GRHL2: variants seen among roughly 807,000 people sequenced by gnomAD.
GRHL2 encodes grainyhead like transcription factor 2.
A neutral mutation model predicts 83.8 loss-of-function variants in GRHL2; 21 were observed. The observed-to-expected ratio is 0.25, with a 90% CI of 0.18 to 0.36. The LOEUF is 0.36. Among genes scored for constraint, GRHL2 ranks in the 10% least tolerant of loss-of-function variants. The pLI, the probability that GRHL2 is intolerant of heterozygous loss-of-function variation, is 1.00. For synonymous variants in GRHL2, 280 were observed against 278.9 expected (o/e 1.00, Z -0.04); for missense variants, 623 against 781.8 (o/e 0.80, Z 2.42).
chr8:101,503,393 C>T lies in GRHL2; in HGVS notation c.20+10604C>T, dbSNP rs546989477. On this transcript the variant is annotated intron_variant, in intron 1 of 15. Coordinates refer to ENST00000646743, the MANE Select transcript of GRHL2 (RefSeq NM_024915.4). ...TAATAAAGACAGAAAATAATATTAG[C>T]TGTAAGCTGTATTAGTGATAAGAAA... Among the ~76,000 whole-genome samples, 17 of 152,256 alleles carry T rather than the reference C, an allele frequency of 1.1e-4. No individual in the cohort carries two copies. The South Asian group carries it at 2.3e-3, about 20-fold the overall frequency.
At chr8:101,572,407 T>C (rs1811845239) in intron 5 of GRHL2, among the ~76,000 whole-genome samples, 1 of 152,238 alleles carries the variant, frequency 6.6e-6, no homozygotes, top group Non-Finnish European at 1.5e-5. Context: ...ACAGGAATAT[T>C]ATTCTGCCCT....
rs114380349 is a variant in GRHL2 at position 101,637,466 on chromosome 8, C to T, written c.1517+538C>T. Among the ~76,000 whole-genome samples the T allele has an allele frequency of 4.2e-3, 636 of 152,314 alleles. 4 individuals carry two copies. Among genetic ancestry groups the T allele is most frequent in the African/African-American group, 0.014 (592 of 41,568 alleles). On this transcript the variant is annotated intron_variant, in intron 12 of 15. Transcript: ENST00000646743. ...AGCCTTTTCAATCGTAGGTAAGAGA[C>T]AGTCACAGAGACTCCCAATGTCTCC...
chr8:101,592,316 G>T (rs1360390878), intron 7 of GRHL2, among the ~76,000 whole-genome samples: 2 of 151,926 alleles, frequency 1.3e-5, no homozygotes, highest in Non-Finnish European at 2.9e-5. Flanking sequence ...CGTTGGTCAG[G>T]CTGGTCTCAA....
At chr8:101,648,838 G>A (rs1813564455) in intron 13 of GRHL2, among the ~76,000 whole-genome samples, 1 of 152,106 alleles carries the variant, frequency 6.6e-6, no homozygotes, top group Non-Finnish European at 1.5e-5. Flanking sequence ...TCCTTCAAGG[G>A]ACCCTTCCAG....
Position 101,564,751 on chromosome 8 carries a change from G to T in GRHL2, c.679-5588G>T, listed in dbSNP as rs193264342. Among the ~76,000 whole-genome samples the T allele has an allele frequency of 2.1e-5, 3 of 141,516 alleles. No homozygotes were observed. The East Asian group carries it at 6.5e-4, about 31-fold the overall frequency. 92.8% of individuals were successfully genotyped at this position (141,516 alleles called of 152,430 possible). A position where few individuals can be genotyped will look rare whatever the true frequency, so the allele number is the denominator to read the frequency against. Reference sequence around the variant, plus strand: ...TGCTTCAGTCCAGGAAGTTCAGGCTGCAGGAAGCTATGATCATGCCACTGC... The same window carrying T: ...TGCTTCAGTCCAGGAAGTTCAGGCTTCAGGAAGCTATGATCATGCCACTGC... On this transcript the variant is annotated intron_variant, in intron 4 of 15. Coordinates refer to ENST00000646743, the MANE Select transcript of GRHL2 (RefSeq NM_024915.4).
intron 1 of GRHL2, among the ~76,000 whole-genome samples, chr8:101,527,239 T>C (rs1004880428): frequency 6.6e-6 from 1 of 152,272 alleles, no homozygotes; most frequent in Non-Finnish European, 1.5e-5. Context: ...TCCTAGTAAT[T>C]GTTACCCTTG....
chr8:101,526,928 G>C (rs1810820904), intron 1 of GRHL2, among the ~76,000 whole-genome samples: 1 of 152,120 alleles, frequency 6.6e-6, no homozygotes, highest in Admixed American at 6.6e-5. Context: ...AAACTAGCAC[G>C]TATTTGCTTG....
chr8:101,540,532 C>T lies in GRHL2; in HGVS notation c.21-2709C>T, dbSNP rs566082194. On this transcript the variant is annotated intron_variant, in intron 1 of 15. Transcript: ENST00000646743. ...CAAACCACTGGCTCAAAGAGCCTGA[C>T]TCAGAGGCCTAGCGACCGGAATTCC... Among the ~76,000 whole-genome samples the T allele has an allele frequency of 5.3e-4, 80 of 152,324 alleles. 1 individual carries two copies. The highest frequency in any genetic ancestry group is 1.6e-3 in the African/African-American group (66 of 41,580).
chr8:101,594,566 T>C (rs996037179), intron 7 of GRHL2, among the ~76,000 whole-genome samples: 2 of 152,238 alleles, frequency 1.3e-5, no homozygotes, highest in Non-Finnish European at 2.9e-5. Context: ...AGAAGCCACA[T>C]TGGTGTGCAT....
intron 1 of GRHL2, among the ~76,000 whole-genome samples, chr8:101,528,224 A>G (rs59732229): frequency 0.011 from 1,643 of 152,112 alleles, 31 homozygotes; most frequent in African/African-American, 0.038. Flanking sequence ...TTGTCTTATG[A>G]TTTTTTGTTT....
intron 2 of GRHL2, among the ~76,000 whole-genome samples, chr8:101,548,192 C>G (rs1811304817): frequency 6.6e-6 from 1 of 152,090 alleles, no homozygotes. Flanking sequence ...CACACACCCA[C>G]CCAAAAAATA....
At chr8:101,630,921 G>A (rs1156499151) in intron 9 of GRHL2, among the ~76,000 whole-genome samples, 1 of 152,172 alleles carries the variant, frequency 6.6e-6, no homozygotes, top group Admixed American at 6.5e-5. Flanking sequence ...ATATAAGGTG[G>A]TGGTCAATTG....
intron 8 of GRHL2, among the ~76,000 whole-genome samples, chr8:101,603,884 A>G (rs556024596): frequency 7.2e-5 from 11 of 152,184 alleles, no homozygotes; most frequent in Admixed American, 1.3e-4. Flanking sequence ...GGCAGGGCCC[A>G]GTGTGTGGCA....
At chr8:101,548,164 T>G (rs917111673) in intron 2 of GRHL2, among the ~76,000 whole-genome samples, 1 of 152,088 alleles carries the variant, frequency 6.6e-6, no homozygotes, top group Non-Finnish European at 1.5e-5. Flanking sequence ...TATCCATCCA[T>G]CCATCCACCC....
rs1810596255 is a variant in GRHL2, at chr8:101,517,517, C to G, written c.20+24728C>G. 2.0e-5 allele frequency among the ~76,000 whole-genome samples: 3 copies of G among 152,300 alleles called. 1 individual carries two copies. In the South Asian group the frequency reaches 6.2e-4, roughly 32 times the overall value. ...GTGCTGTCAGTCTAGTGGACTCTTT[C>G]TGCTAACAAAATCAGGCTGCATTTT... is the stretch of plus-strand genomic sequence containing the variant. On this transcript the variant is annotated intron_variant, in intron 1 of 15. Coordinates refer to ENST00000646743, the MANE Select transcript of GRHL2 (RefSeq NM_024915.4).
downstream of GRHL2, among the ~76,000 whole-genome samples, chr8:101,671,249 T>C (rs550010351): frequency 3.0e-4 from 45 of 152,022 alleles, no homozygotes; most frequent in East Asian, 8.7e-3. Flanking sequence ...GCGCAAGGGG[T>C]CAGGGAGTTC....
intron 8 of GRHL2, among the ~76,000 whole-genome samples, chr8:101,607,109 C>T (rs1812647512): frequency 6.6e-6 from 1 of 152,202 alleles, no homozygotes; most frequent in Non-Finnish European, 1.5e-5. Flanking sequence ...TTTCCCCCTT[C>T]CCTCTATCTC....
At chr8:101,546,841 T>C (rs1811276717) in intron 2 of GRHL2, among the ~76,000 whole-genome samples, 1 of 152,218 alleles carries the variant, frequency 6.6e-6, no homozygotes, top group South Asian at 2.1e-4. Flanking sequence ...CCTCTTATGC[T>C]AGCATTTAAA....
intron 1 of GRHL2, among the ~76,000 whole-genome samples, chr8:101,498,999 C>T (rs556207855): frequency 2.7e-5 from 4 of 150,886 alleles, no homozygotes; most frequent in South Asian, 4.2e-4. Flanking sequence ...GGCGTGAACC[C>T]GGGAGGCAGA....
Sources: gnomAD v4.1 joint callset for allele counts (sites outside exome capture counted in the v4.1 genomes callset) on GRCh38, gnomAD v4.1.1 for gene constraint, MANE v1.5 for transcripts, NCBI Gene and HGNC (gene_info 2026-07-23, HGNC 2026-07-21) for gene names.